The following PCDHGA2 variants were observed in gnomAD, a reference collection of about 807,000 sequenced individuals.
The protein encoded by PCDHGA2 is protocadherin gamma-A2.
PCDHGA2 carries 40 observed loss-of-function variants against 59.2 expected under a neutral mutation model. That is an observed-to-expected ratio of 0.68 (90% confidence interval 0.52 to 0.88). PCDHGA2 has a LOEUF of 0.88. PCDHGA2 is among the 40% of genes least tolerant of loss of function. The pLI is 0.00. For synonymous variants in PCDHGA2, 560 were observed against 526.0 expected (o/e 1.06, Z -0.89); for missense variants, 1,226 against 1,204.0 (o/e 1.02, Z -0.27).
chr5:141,410,687 T>A, intron 1 of PCDHGA2: 1 of 1,518,632 alleles, frequency 6.6e-7, no homozygotes, highest in Non-Finnish European at 8.8e-7. Context: ...TTAGGCATAC[T>A]ACTTTATTTT....
intron 1 of PCDHGA2, among the ~76,000 whole-genome samples, chr5:141,473,033 G>A (rs1199215390): frequency 1.4e-5 from 2 of 146,282 alleles, no homozygotes. Flanking sequence ...AAGGAAGGAA[G>A]GAAAGAAAGA....
intron 1 of PCDHGA2, chr5:141,419,345 C>T (rs111954647): frequency 6.2e-6 from 10 of 1,613,858 alleles, no homozygotes; most frequent in African/African-American, 2.7e-5. Flanking sequence ...TGCCAGCGAC[C>T]TGGAGTCACG....
At chr5:141,427,700 C>A in intron 1 of PCDHGA2, 3 of 945,490 alleles carry the variant, frequency 3.2e-6, no homozygotes, top group South Asian at 2.7e-5. Flanking sequence ...TCCCACAAGT[C>A]AGCGCCTCTG....
rs367578838 is a variant in PCDHGA2, at chr5:141,432,537, C to A, written c.2425-62270C>A. The A allele has an allele frequency of 5.0e-6, 8 of 1,613,882 alleles. No individual in the cohort carries two copies. Among genetic ancestry groups the A allele is most frequent in the African/African-American group, 1.3e-5 (1 of 74,922 alleles). Reference sequence around the variant, plus strand: ...GGCTACCTGGTGACCAAGGTGGTGGCGGTGGACAGAGACTCCGGCCAGAAC... The same window carrying A: ...GGCTACCTGGTGACCAAGGTGGTGGAGGTGGACAGAGACTCCGGCCAGAAC... On this transcript the variant is annotated intron_variant, in intron 1 of 3. Coordinates refer to ENST00000394576, the MANE Select transcript of PCDHGA2 (RefSeq NM_018915.4). This position sits in a 1 kb window ranked among gnomAD's most constrained non-coding sequence, Gnocchi z 6.0.
At chr5:141,405,966 C>T (rs1226823491) in intron 1 of PCDHGA2, among the ~76,000 whole-genome samples, 3 of 151,986 alleles carry the variant, frequency 2.0e-5, no homozygotes, top group South Asian at 4.1e-4. Flanking sequence ...CTGCTGTCAA[C>T]GTAAACCATA....
intron 1 of PCDHGA2, chr5:141,404,928 C>G: frequency 2.5e-6 from 4 of 1,613,866 alleles, no homozygotes; most frequent in Non-Finnish European, 3.4e-6. Context: ...GCCACTGTCA[C>G]GCTCACAGTA....
At chr5:141,446,831 T>C (rs1237079019) in intron 1 of PCDHGA2, among the ~76,000 whole-genome samples, 2 of 152,186 alleles carry the variant, frequency 1.3e-5, no homozygotes, top group East Asian at 3.9e-4. Context: ...TAGATCCTTA[T>C]AAGGCTGAGC....
chr5:141,402,842 A>G, intron 1 of PCDHGA2: 1 of 1,396,816 alleles, frequency 7.2e-7, no homozygotes, highest in Non-Finnish European at 9.4e-7. Flanking sequence ...AGCAAAACTC[A>G]GCCTCTTTCT....
At chr5:141,428,197 G>C in intron 1 of PCDHGA2, 3 of 1,385,972 alleles carry the variant, frequency 2.2e-6, no homozygotes, top group Non-Finnish European at 3.0e-6. Flanking sequence ...CGCTCTCTGC[G>C]CCGCTACGCT....
At chr5:141,421,564 G>C in intron 1 of PCDHGA2, 1 of 1,613,982 alleles carries the variant, frequency 6.2e-7, no homozygotes, top group Non-Finnish European at 8.5e-7. Context: ...TCTCGTGGAA[G>C]ACACCTTGAA....
intron 1 of PCDHGA2, chr5:141,478,841 A>G (rs1335486924): frequency 1.4e-5 from 19 of 1,405,590 alleles, no homozygotes; most frequent in Non-Finnish European, 1.8e-5. Flanking sequence ...GGGATGGTTA[A>G]GCTAAAACAC....
rs754888812 is a variant in PCDHGA2, at chr5:141,374,393, G to T, written c.2424+32998G>T. The T allele has an allele frequency of 1.1e-5, 18 of 1,614,032 alleles. No individual in the cohort carries two copies. In the Middle Eastern group the frequency reaches 1.2e-3, roughly 104 times the overall value. ...CTGTGCTCAGAGCCCGCGGTGTCTG[G>T]TGAGTTTTAACATCCTTGTCGAGGA... On this transcript the variant is annotated intron_variant, in intron 1 of 3. Transcript: ENST00000394576.
intron 1 of PCDHGA2, chr5:141,383,793 A>C (rs1348224147): frequency 5.6e-6 from 9 of 1,613,998 alleles, no homozygotes; most frequent in Admixed American, 1.7e-5. Flanking sequence ...ACTCGCTTAC[A>C]GGAGAAATAT....
chr5:141,372,143 G>T, intron 1 of PCDHGA2: 2 of 1,613,784 alleles, frequency 1.2e-6, no homozygotes, highest in Admixed American at 1.7e-5. Context: ...GCTCTGCAGA[G>T]CCTGGCTACC....
intron 1 of PCDHGA2, chr5:141,392,857 T>C: frequency 5.0e-6 from 8 of 1,612,536 alleles, no homozygotes; most frequent in Non-Finnish European, 6.8e-6. Flanking sequence ...GAGCTGATCC[T>C]GCTGTGCGCG....
chr5:141,487,608 G>A lies in PCDHGA2; in HGVS notation c.2425-7199G>A, dbSNP rs970411391. On this transcript the variant is annotated intron_variant, in intron 1 of 3. Coordinates refer to ENST00000394576, the MANE Select transcript of PCDHGA2 (RefSeq NM_018915.4). The surrounding 1 kb of genome is among the most constrained non-coding windows in gnomAD (Gnocchi z 5.0). ...TGCCCACCCTCTGATCTTCTCTATG[G>A]GCTAGAGGTGAGACCTTTGCAGGCT... 1 of 1,614,182 alleles carries A rather than the reference G, an allele frequency of 6.2e-7. No individual in the cohort carries two copies. Among genetic ancestry groups the A allele is most frequent in the African/African-American group, 1.3e-5 (1 of 75,050 alleles).
chr5:141,383,736 T>C (rs1388139242), intron 1 of PCDHGA2: 1 of 1,614,002 alleles, frequency 6.2e-7, no homozygotes, highest in Non-Finnish European at 8.5e-7. Context: ...AAGTGACATA[T>C]TCTTTTCGGA....
chr5:141,383,634 T>C, intron 1 of PCDHGA2: 1 of 1,613,914 alleles, frequency 6.2e-7, no homozygotes, highest in Non-Finnish European at 8.5e-7. Flanking sequence ...TCTCTCTGCC[T>C]CAGTACCAAG....
intron 1 of PCDHGA2, chr5:141,478,148 C>A: frequency 6.2e-7 from 1 of 1,614,066 alleles, no homozygotes; most frequent in Non-Finnish European, 8.5e-7. Flanking sequence ...AGCCGAGTTC[C>A]CCTCTGGCTC....
Sources: allele counts gnomAD v4.1 joint callset (sites outside exome capture counted in the v4.1 genomes callset), GRCh38; gene constraint gnomAD v4.1.1; non-coding constraint Gnocchi (gnomAD v3.1); transcripts MANE v1.5; gene names NCBI Gene and HGNC (gene_info 2026-07-23, HGNC 2026-07-21).